SMAGP: variants seen among roughly 807,000 people sequenced by gnomAD.
SMAGP encodes the protein small cell transmembrane and glycosylated protein.
In SMAGP, 7 loss-of-function variants were observed where a neutral mutation model predicts 10.1. The observed-to-expected ratio is 0.70, with a 90% CI of 0.40 to 1.31. SMAGP has a LOEUF of 1.31. SMAGP is among the 50% of genes most tolerant of loss of function. SMAGP has a pLI of 0.01. For synonymous variants in SMAGP, 49 were observed against 47.2 expected (o/e 1.04, Z -0.16); for missense variants, 113 against 116.5 (o/e 0.97, Z 0.14).
chr12:51,265,116 A>G (rs1944963622), intron 2 of SMAGP, among the ~76,000 whole-genome samples: 1 of 152,214 alleles, frequency 6.6e-6, no homozygotes, highest in African/African-American at 2.4e-5. Context: ...AGTACATGAA[A>G]AGATGCTCCA....
intron 2 of SMAGP, among the ~76,000 whole-genome samples, chr12:51,251,253 G>T (rs1039228106): frequency 2.0e-5 from 3 of 151,928 alleles, no homozygotes; most frequent in African/African-American, 7.3e-5. Context: ...GGACAATATA[G>T]CAAGACACCA....
intron 2 of SMAGP, among the ~76,000 whole-genome samples, chr12:51,260,744 G>A (rs1475608514): frequency 7.1e-6 from 1 of 140,640 alleles, no homozygotes; most frequent in Non-Finnish European, 1.5e-5. Flanking sequence ...GGAGTGCAGC[G>A]GCGTGATCTC....
At chr12:51,267,090 T>C (rs1944980953) in intron 2 of SMAGP, among the ~76,000 whole-genome samples, 1 of 152,178 alleles carries the variant, frequency 6.6e-6, no homozygotes, top group South Asian at 2.1e-4. Flanking sequence ...TACTCCAGCC[T>C]GGGTGACACA....
At chr12:51,246,281 T>C in intron 3 of SMAGP, 162 bp from the exon 4 acceptor site, 2 of 997,488 alleles carry the variant, frequency 2.0e-6, no homozygotes, top group South Asian at 3.6e-5. Context: ...CAACCCCAAT[T>C]TCCATGGCAC....
intron 2 of SMAGP, among the ~76,000 whole-genome samples, chr12:51,265,756 T>G (rs1944967631): frequency 6.6e-6 from 1 of 152,102 alleles, no homozygotes; most frequent in Non-Finnish European, 1.5e-5. Flanking sequence ...GGTAAAGTTC[T>G]GGAGATGGAT....
At chr12:51,257,785 T>C (rs1168865927) in intron 2 of SMAGP, among the ~76,000 whole-genome samples, 1 of 152,050 alleles carries the variant, frequency 6.6e-6, no homozygotes, top group Non-Finnish European at 1.5e-5. Context: ...CCTCAGGTGA[T>C]CTGCCTGTCT....
At chr12:51,254,807 G>T (rs939604530) in intron 2 of SMAGP, among the ~76,000 whole-genome samples, 1 of 152,060 alleles carries the variant, frequency 6.6e-6, no homozygotes, top group Non-Finnish European at 1.5e-5. Flanking sequence ...TTCATGGGAG[G>T]GCTGTCCACA....
chr12:51,270,270 G>C lies in SMAGP; in HGVS notation c.-53C>G, dbSNP rs1276746771. The C allele has an allele frequency of 1.9e-5, 3 of 154,628 alleles. No individual in the cohort carries two copies. Among genetic ancestry groups the C allele is most frequent in the Non-Finnish European group, 4.3e-5 (3 of 69,526 alleles). 9.6% of individuals were successfully genotyped at this position (154,628 alleles called of 1,614,324 possible). A position where few individuals can be genotyped will look rare whatever the true frequency, so the allele number is the denominator to read the frequency against. ...CTCGTGCTCACCTTTCCAGTCGGAC[G>C]GGCTGCTGGTGAAGGGCCGGCGCCG... On this transcript the variant is annotated 5_prime_UTR_variant, in exon 1 of 4. Transcript: ENST00000603798.
At chr12:51,258,148 C>T (rs1052372663) in intron 2 of SMAGP, among the ~76,000 whole-genome samples, 1 of 152,118 alleles carries the variant, frequency 6.6e-6, no homozygotes, top group African/African-American at 2.4e-5. Context: ...GCCTAGGTAA[C>T]AGACCCTGTC....
intron 1 of SMAGP, 34 bp from the exon 2 acceptor site, chr12:51,269,350 G>A (rs1041091529): frequency 2.5e-6 from 4 of 1,579,124 alleles, no homozygotes; most frequent in Admixed American, 3.3e-5. Context: ...GGAATGTAGC[G>A]GGTGGGCCCC....
Position 51,246,866 on chromosome 12 carries a change from G to A in SMAGP, c.35-35C>T, listed in dbSNP as rs180683045. 2.9e-5 allele frequency: 43 copies of A among 1,479,268 alleles called. No homozygotes were observed. The African/African-American group carries it at 4.7e-4, about 16-fold the overall frequency. 91.6% of individuals were successfully genotyped at this position (1,479,268 alleles called of 1,614,324 possible). Reference sequence around the variant, plus strand: ...GTAGAAAAGTGGAAAAGGAAATGGAGTGAATTCTTTTGTTTGAAAGCATAT... The same window carrying A: ...GTAGAAAAGTGGAAAAGGAAATGGAATGAATTCTTTTGTTTGAAAGCATAT... On this transcript the variant is annotated intron_variant, in intron 2 of 3. Coordinates refer to ENST00000603798, the MANE Select transcript of SMAGP (RefSeq NM_001031628.2).
intron 1 of SMAGP, 183 bp from the exon 2 acceptor site, chr12:51,269,499 GCAGGT>G (rs1313211829): frequency 3.5e-6 from 2 of 577,122 alleles, no homozygotes; most frequent in Non-Finnish European, 6.2e-6. Flanking sequence ...CTCCACAGGA[GCAGGT>G]CTGAGGCCGC....
intron 2 of SMAGP, among the ~76,000 whole-genome samples, chr12:51,258,409 T>A (rs1592235303): frequency 6.6e-6 from 1 of 151,980 alleles, no homozygotes; most frequent in African/African-American, 2.4e-5. Context: ...CTGGCCAACA[T>A]GGTGAAACCC....
At chr12:51,257,123 G>A (rs1944892537) in intron 2 of SMAGP, among the ~76,000 whole-genome samples, 1 of 152,158 alleles carries the variant, frequency 6.6e-6, no homozygotes, top group Non-Finnish European at 1.5e-5. Context: ...TGTGACTGGA[G>A]GGGAAAGGGA....
At chr12:51,268,667 T>C (rs1216171048) in intron 2 of SMAGP, among the ~76,000 whole-genome samples, 1 of 140,966 alleles carries the variant, frequency 7.1e-6, no homozygotes, top group East Asian at 2.4e-4. Context: ...TCGGCTCACC[T>C]GTGCTTCCCA....
intron 2 of SMAGP, among the ~76,000 whole-genome samples, chr12:51,260,040 C>T (rs375254402): frequency 3.3e-5 from 5 of 151,806 alleles, no homozygotes; most frequent in Non-Finnish European, 2.9e-5. Flanking sequence ...CTTTATATTC[C>T]GAATTTCTCA....
intron 2 of SMAGP, among the ~76,000 whole-genome samples, chr12:51,265,942 C>T (rs966865499): frequency 4.6e-5 from 7 of 152,124 alleles, no homozygotes; most frequent in Middle Eastern, 3.4e-3. Flanking sequence ...ATTAGCCGGG[C>T]GTGGTGGTGG....
rs57975745 is a variant in SMAGP at position 51,268,586 on chromosome 12, T to TCCTCCCTCCTTCCTC, written c.34+658_34+659insGAGGAAGGAGGGAGG. On this transcript the variant is annotated intron_variant, in intron 2 of 3. Transcript: ENST00000603798. ...CCTTCCTTCCTTCCTTCCTTTCCTT[T>TCCTCCCTCCTTCCTC]CCTCCCTCCCTTCCTATTTTTTGAG... 1.7e-4 allele frequency among the ~76,000 whole-genome samples: 24 copies of TCCTCCCTCCTTCCTC among 138,134 alleles called. 1 individual carries two copies. In the South Asian group the frequency reaches 5.7e-3, roughly 33 times the overall value. The allele number at this position is 138,134 out of a possible 152,430, so 90.6% of individuals were successfully genotyped here. A position where few individuals can be genotyped will look rare whatever the true frequency, so the allele number is the denominator to read the frequency against.
intron 2 of SMAGP, among the ~76,000 whole-genome samples, chr12:51,255,956 A>C (rs1025809481): frequency 1.3e-5 from 2 of 152,092 alleles, no homozygotes; most frequent in Admixed American, 1.3e-4. Flanking sequence ...TTTTTAGTAG[A>C]GACGGGGTTT....
Sources: gnomAD v4.1 joint callset for allele counts (sites outside exome capture counted in the v4.1 genomes callset) on GRCh38, gnomAD v4.1.1 for gene constraint, MANE v1.5 for transcripts, NCBI Gene and HGNC (gene_info 2026-07-23, HGNC 2026-07-21) for gene names.